NKAP: variants seen among roughly 807,000 people sequenced by gnomAD.
The protein encoded by NKAP is NF-kappa-B-activating protein.
Under a neutral mutation model 35.6 loss-of-function variants are expected in NKAP, and 4 were observed. The ratio of observed to expected loss-of-function variants is 0.11; its 90% confidence interval spans 0.06 to 0.26. The LOEUF is 0.26. Ranked by LOEUF, NKAP falls within the 10% of genes least tolerant of loss-of-function variation. The probability of loss-of-function intolerance (pLI) is 1.00; values close to 1 mark genes in which losing one functional copy is unlikely to be tolerated. For synonymous variants in NKAP, 106 were observed against 119.2 expected, an observed-to-expected ratio of 0.89 and a Z score of 0.72; for missense variants, 238 against 321.9, an observed-to-expected ratio of 0.74 and a Z score of 1.99.
At chrX:119,927,501 C>T (rs1016713257) in intron 8 of NKAP, among the ~76,000 whole-genome samples, 6 of 111,419 alleles carry the variant, frequency 5.4e-5, no homozygotes, top group African/African-American at 2.0e-4. Flanking sequence ...CTAGCCACCA[C>T]GCCCAGCTAA....
intron 1 of NKAP, among the ~76,000 whole-genome samples, chrX:119,939,886 G>A (rs1242356387): frequency 1.9e-5 from 2 of 107,571 alleles, no homozygotes; most frequent in Non-Finnish European, 3.9e-5. Flanking sequence ...GAGACAGAGC[G>A]AGACTCCGTC....
chrX:119,943,330 G>A lies in NKAP; in HGVS notation c.276C>T (p.Phe92=). The A allele has an allele frequency of 8.2e-7, 1 of 1,212,257 alleles. No individual in the cohort carries two copies. The highest frequency in any genetic ancestry group is 1.1e-6 in the Non-Finnish European group (1 of 895,595). The change falls in exon 1 of 9, where the codon TTC becomes TTT. Residue 92 remains phenylalanine, a synonymous_variant. Coordinates refer to ENST00000371410, the MANE Select transcript of NKAP (RefSeq NM_024528.4). Reference sequence around the variant, plus strand: ...AATAGACTGACGAGGAGGCAGAAGCGAAGGGGATGCCCCGGGGCGCAGAGG... The same window carrying A: ...AATAGACTGACGAGGAGGCAGAAGCAAAGGGGATGCCCCGGGGCGCAGAGG... The part of the protein sequence containing the change: ...ERPSAPRGIP[F]ASASSSVYYG...
chrX:119,928,697 A>T (rs1403996879), intron 8 of NKAP, among the ~76,000 whole-genome samples: 2 of 111,098 alleles, frequency 1.8e-5, no homozygotes, highest in Non-Finnish European at 3.8e-5. Flanking sequence ...AGGAGCTGGG[A>T]CTACAGGTGT....
At position 119,923,524 on chromosome X, in the gene NKAP, A is replaced by G. The variant is rs1336086566; in HGVS notation, c.*1696T>C. ...TTTTTCCTTATCAAAACTCTTGACC[A>G]TAGTTGACTCCTATTCTTTTGGATG... On this transcript the variant is annotated 3_prime_UTR_variant, in exon 9 of 9. Transcript: ENST00000371410. 2 of 112,723 alleles carry G rather than the reference A, an allele frequency of 1.8e-5. No individual in the cohort carries two copies. The highest frequency in any genetic ancestry group is 3.7e-5 in the Non-Finnish European group (2 of 53,375). The allele number at this position is 112,723 out of a possible 1,213,427, so 9.3% of individuals were successfully genotyped here. A position where few individuals can be genotyped will look rare whatever the true frequency, so the allele number is the denominator to read the frequency against.
intron 8 of NKAP, among the ~76,000 whole-genome samples, chrX:119,925,929 CTTTTTTTTTT>C (rs1305744041): frequency 6.5e-5 from 3 of 46,436 alleles, no homozygotes; most frequent in African/African-American, 2.6e-4. Context: ...ATCCTTTTTT[CTTTTTTTTTT>C]TTTTTTAATT....
At chrX:119,926,235 C>T (rs1377376045) in intron 8 of NKAP, among the ~76,000 whole-genome samples, 3 of 101,784 alleles carry the variant, frequency 2.9e-5, no homozygotes, top group Non-Finnish European at 5.9e-5. Context: ...GGATTACAGG[C>T]GTGAGCCACC....
At chrX:119,927,057 G>A (rs2056717948) in intron 8 of NKAP, among the ~76,000 whole-genome samples, 1 of 50,757 alleles carries the variant, frequency 2.0e-5, no homozygotes, top group Admixed American at 2.4e-4. Context: ...GTGAAACTAG[G>A]TCTCAAAAAA....
rs750293982 is a variant in NKAP, at chrX:119,943,453, C to T, written c.153G>A (p.Gly51=). ...GCTGATGGGTGAGTCCATTCCGGTC[C>T]CCGGACCGAGAGCAAGAGTGCGAGC... ...RSRSHSCSRS[G]DRNGLTHQLG... The change falls in exon 1 of 9, where the codon GGG becomes GGA. Residue 51 remains glycine (G), a synonymous_variant. Transcript: ENST00000371410. The T allele has an allele frequency of 8.3e-7, 1 of 1,211,072 alleles. No individual in the cohort carries two copies.
intron 5 of NKAP, among the ~76,000 whole-genome samples, chrX:119,933,071 C>T (rs753335966): frequency 1.8e-5 from 2 of 111,177 alleles, no homozygotes; most frequent in African/African-American, 3.3e-5. Context: ...TAAAAAGTCC[C>T]AACAATTTGA....
intron 8 of NKAP, among the ~76,000 whole-genome samples, chrX:119,925,997 C>T (rs1445575546): frequency 4.9e-5 from 4 of 81,875 alleles, no homozygotes; most frequent in East Asian, 3.7e-4. Context: ...TCGCCCAGGC[C>T]GGACTGCGGA....
In NKAP at chrX:119,943,582, G is replaced by A; in HGVS notation, c.24C>T (p.Arg8=). 8.4e-7 allele frequency: 1 copy of A among 1,188,021 alleles called. No homozygotes were observed. Among genetic ancestry groups the A allele is most frequent in the Non-Finnish European group, 1.1e-6 (1 of 881,843 alleles). MAPVSGS[R]SPDREASGSG... ...AGCCCGAGGCCTCCCTATCCGGGCTGCGTGAGCCGGACACCGGAGCCATGG... is the reference window on the plus strand; with the variant it reads ...AGCCCGAGGCCTCCCTATCCGGGCTACGTGAGCCGGACACCGGAGCCATGG... The change falls in exon 1 of 9, where the codon CGC becomes CGT. Residue 8 remains arginine (R), a synonymous_variant. Transcript: ENST00000371410.
In NKAP at chrX:119,920,857, T is replaced by C. The variant is rs2056685268; in HGVS notation, c.*4363A>G. 2.3e-5 allele frequency: 4 copies of C among 175,790 alleles called. No homozygotes were observed. The highest frequency in any genetic ancestry group is 7.4e-5 in the Admixed American group (1 of 13,564). 14.5% of individuals were successfully genotyped at this position (175,790 alleles called of 1,213,427 possible). On this transcript the variant is annotated 3_prime_UTR_variant, in exon 9 of 9. Coordinates refer to ENST00000371410, the MANE Select transcript of NKAP (RefSeq NM_024528.4). ...GTATCACTTCTGAGTCTTACAGGTA[T>C]AGAGCTGAGTTTAGAGAGTTGCTAA...
chrX:119,920,695 G>A lies in NKAP; in HGVS notation c.*4525C>T. On this transcript the variant is annotated 3_prime_UTR_variant, in exon 9 of 9. Transcript: ENST00000371410. ...CGTCAAACCACAGAATATTTATTGAGTAATAAACTTGTGGCACACAATCCA... is the reference window on the plus strand; with the variant it reads ...CGTCAAACCACAGAATATTTATTGAATAATAAACTTGTGGCACACAATCCA... The A allele has an allele frequency of 1.5e-6, 1 of 683,185 alleles. No individual in the cohort carries two copies. Among genetic ancestry groups the A allele is most frequent in the Non-Finnish European group, 2.1e-6 (1 of 470,729 alleles). The allele number at this position is 683,185 out of a possible 1,213,427, so 56.3% of individuals were successfully genotyped here.
intron 8 of NKAP, among the ~76,000 whole-genome samples, 166 bp from the exon 9 acceptor site, chrX:119,925,560 C>CTT (rs1024895905): frequency 9.1e-6 from 1 of 109,452 alleles, no homozygotes; most frequent in East Asian, 2.8e-4. Context: ...CTGACACGTC[C>CTT]TTTTTTTTTG....
chrX:119,939,017 G>A (rs2056779832), intron 1 of NKAP, among the ~76,000 whole-genome samples: 1 of 112,242 alleles, frequency 8.9e-6, no homozygotes, highest in African/African-American at 3.2e-5. Context: ...ATGATGGCCT[G>A]GGAGACTGTC....
At chrX:119,935,360 T>C (rs194306) in intron 4 of NKAP, among the ~76,000 whole-genome samples, 17,366 of 110,990 alleles carry the variant, frequency 0.16, 1,150 homozygotes, top group South Asian at 0.35. Flanking sequence ...AGAAAGAACA[T>C]GGAATACTGA....
intron 1 of NKAP, 122 bp from the exon 2 acceptor site, chrX:119,938,932 A>C: frequency 2.0e-6 from 1 of 505,584 alleles, no homozygotes; most frequent in South Asian, 3.6e-5. Context: ...ATGGATAAAA[A>C]CTTGGTTTAA....
In NKAP at chrX:119,922,212, C is replaced by T. The variant is rs1438477613; in HGVS notation, c.*3008G>A. On this transcript the variant is annotated 3_prime_UTR_variant, in exon 9 of 9. Coordinates refer to ENST00000371410, the MANE Select transcript of NKAP (RefSeq NM_024528.4). ...ATTCAGGGAAGTAGATGGATTGAGA[C>T]TCAAAACTTTGGGAACTAGTTTCTT... 7.2e-5 allele frequency: 8 copies of T among 111,576 alleles called. No individual in the cohort carries two copies. The highest frequency in any genetic ancestry group is 9.8e-5 in the African/African-American group (3 of 30,768). The allele number at this position is 111,576 out of a possible 1,213,427, so 9.2% of individuals were successfully genotyped here.
chrX:119,938,836 T>G, intron 1 of NKAP, 26 bp from the exon 2 acceptor site: 3 of 1,040,861 alleles, frequency 2.9e-6, no homozygotes, highest in Non-Finnish European at 4.0e-6. Flanking sequence ...ATGTAAATTA[T>G]AACTCAATGG....
Sources: allele counts gnomAD v4.1 joint callset (sites outside exome capture counted in the v4.1 genomes callset), GRCh38; gene constraint gnomAD v4.1.1; transcripts MANE v1.5; gene names NCBI Gene and HGNC (gene_info 2026-07-23, HGNC 2026-07-21).